KHDRBS2: variants seen among roughly 807,000 people sequenced by gnomAD.
The protein encoded by KHDRBS2 is KH domain-containing, RNA-binding, signal transduction-associated protein 2.
A neutral mutation model predicts 44.3 loss-of-function variants in KHDRBS2; 26 were observed. The observed-to-expected ratio is 0.59, with a 90% CI of 0.43 to 0.81. The LOEUF (loss-of-function observed/expected upper bound fraction) is 0.81, where lower values mean the gene tolerates loss of function less well. Ranked by LOEUF, KHDRBS2 falls within the 40% of genes least tolerant of loss-of-function variation. KHDRBS2 has a pLI of 0.00. For synonymous variants in KHDRBS2, 194 were observed against 151.1 expected, an observed-to-expected ratio of 1.28 and a Z score of -2.08; for missense variants, 476 against 433.1, an observed-to-expected ratio of 1.10 and a Z score of -0.88.
At chr6:61,752,029 A>T (rs913342172) in intron 6 of KHDRBS2, among the ~76,000 whole-genome samples, 4 of 152,074 alleles carry the variant, frequency 2.6e-5, no homozygotes, top group Non-Finnish European at 5.9e-5. Context: ...ACCCCATTTT[A>T]TATTAATCAT....
chr6:61,847,120 A>T (rs550312758), intron 6 of KHDRBS2, among the ~76,000 whole-genome samples: 14 of 152,176 alleles, frequency 9.2e-5, no homozygotes, highest in African/African-American at 3.1e-4. Context: ...TTTATCTTCT[A>T]TTTTGTAAGT....
intron 2 of KHDRBS2, among the ~76,000 whole-genome samples, chr6:62,051,039 A>C (rs1420572689): frequency 6.6e-6 from 1 of 152,086 alleles, no homozygotes; most frequent in South Asian, 2.1e-4. Context: ...CCACTATTAC[A>C]AAATTCTAGC....
chr6:61,765,941 C>A (rs1468538010), intron 6 of KHDRBS2, among the ~76,000 whole-genome samples: 1 of 125,526 alleles, frequency 8.0e-6, no homozygotes, highest in East Asian at 2.3e-4. Flanking sequence ...CTGTAGTTTT[C>A]TTTTTTTAGA....
intron 4 of KHDRBS2, among the ~76,000 whole-genome samples, chr6:61,936,731 A>G (rs1811101893): frequency 6.6e-6 from 1 of 151,956 alleles, no homozygotes; most frequent in Non-Finnish European, 1.5e-5. Context: ...TTGATATTGA[A>G]CTGAAAGTCA....
At chr6:61,737,539 T>A (rs1351858353) in intron 6 of KHDRBS2, among the ~76,000 whole-genome samples, 2 of 152,102 alleles carry the variant, frequency 1.3e-5, no homozygotes, top group Admixed American at 1.3e-4. Flanking sequence ...GCATCCTACA[T>A]GTTAAAAACA....
chr6:62,253,598 A>G (rs1183425191), intron 1 of KHDRBS2, among the ~76,000 whole-genome samples: 1 of 151,980 alleles, frequency 6.6e-6, no homozygotes, highest in Non-Finnish European at 1.5e-5. Flanking sequence ...CTAAAAAAAA[A>G]TCTATGAATG....
At chr6:62,018,733 C>A (rs186265212) in intron 3 of KHDRBS2, among the ~76,000 whole-genome samples, 1 of 152,232 alleles carries the variant, frequency 6.6e-6, no homozygotes, top group East Asian at 1.9e-4. Context: ...AGAGAAAAAT[C>A]CGTTATTAAT....
intron 7 of KHDRBS2, among the ~76,000 whole-genome samples, chr6:61,701,195 TC>T (rs1233634437): frequency 6.6e-6 from 1 of 151,964 alleles, no homozygotes; most frequent in African/African-American, 2.4e-5. Flanking sequence ...CTATTGGTGA[TC>T]CTTGCTACTT....
chr6:61,676,394 T>C (rs1423033862), downstream of KHDRBS2, among the ~76,000 whole-genome samples: 1 of 151,880 alleles, frequency 6.6e-6, no homozygotes, highest in Non-Finnish European at 1.5e-5. Context: ...TTCAGATTAA[T>C]TTTGATCAGA....
At chr6:62,004,181 C>A (rs374176434) in intron 3 of KHDRBS2, among the ~76,000 whole-genome samples, 11 of 151,998 alleles carry the variant, frequency 7.2e-5, no homozygotes, top group African/African-American at 2.2e-4. Context: ...AATAGAGACA[C>A]GAAAAATCCT....
rs796294863 is a variant in KHDRBS2, at chr6:62,043,960, T to G, written c.336+3918A>C. ...AATTTTTTTTAAAAAAATGTTACAC[T>G]GGTCAATATGTTTAATTAAGTATCA... On this transcript the variant is annotated intron_variant, in intron 3 of 8. Coordinates refer to ENST00000281156, the MANE Select transcript of KHDRBS2 (RefSeq NM_152688.4). 9.2e-5 allele frequency among the ~76,000 whole-genome samples: 14 copies of G among 152,200 alleles called. 1 individual carries two copies. Among genetic ancestry groups the G allele is most frequent in the African/African-American group, 3.4e-4 (14 of 41,544 alleles).
chr6:62,172,129 C>T (rs1426399958), intron 2 of KHDRBS2, among the ~76,000 whole-genome samples: 5 of 151,990 alleles, frequency 3.3e-5, no homozygotes, highest in East Asian at 1.9e-4. Context: ...AGGCACAGAA[C>T]GGCAGATTGG....
downstream of KHDRBS2, among the ~76,000 whole-genome samples, chr6:61,677,797 C>A (rs1766028343): frequency 6.6e-6 from 1 of 151,834 alleles, no homozygotes; most frequent in African/African-American, 2.4e-5. Context: ...TCCTCTCAAA[C>A]ACATTGAATT....
At chr6:61,695,182 T>C (rs564304670) in intron 8 of KHDRBS2, among the ~76,000 whole-genome samples, 3 of 152,128 alleles carry the variant, frequency 2.0e-5, no homozygotes, top group South Asian at 2.1e-4. Flanking sequence ...CATCCTGTTC[T>C]TTTTACCAAG....
intron 4 of KHDRBS2, among the ~76,000 whole-genome samples, chr6:61,959,911 G>GT (rs1347493168): frequency 1.3e-5 from 2 of 152,022 alleles, no homozygotes; most frequent in Non-Finnish European, 2.9e-5. Context: ...CTAGGTATAT[G>GT]TTTTTCCTTT....
At chr6:61,790,344 A>G (rs2127585133) in intron 6 of KHDRBS2, among the ~76,000 whole-genome samples, 1 of 151,350 alleles carries the variant, frequency 6.6e-6, no homozygotes, top group East Asian at 1.9e-4. Context: ...AGTGAATGCA[A>G]TTTAAAGCAG....
intron 6 of KHDRBS2, among the ~76,000 whole-genome samples, chr6:61,869,369 T>G (rs493510): frequency 0.59 from 89,410 of 152,050 alleles, 26,499 homozygotes; most frequent in South Asian, 0.68. Flanking sequence ...TGATGACATA[T>G]AATTATATAA....
intron 4 of KHDRBS2, among the ~76,000 whole-genome samples, chr6:61,969,052 T>A (rs536672389): frequency 6.6e-6 from 1 of 152,210 alleles, no homozygotes; most frequent in South Asian, 2.1e-4. Flanking sequence ...TCCAGTTCTA[T>A]AATTATAGAA....
chr6:61,593,114 G>T, the KHDRBS2 span, among the ~76,000 whole-genome samples: 9 of 152,324 alleles, frequency 5.9e-5, no homozygotes, highest in East Asian at 1.7e-3. Flanking sequence ...TGGGCAGGCA[G>T]TGGCAAACTG....
Sources: allele counts gnomAD v4.1 joint callset (sites outside exome capture counted in the v4.1 genomes callset), GRCh38; gene constraint gnomAD v4.1.1; transcripts MANE v1.5; gene names NCBI Gene and HGNC (gene_info 2026-07-23, HGNC 2026-07-21).